CCNB1IP1: variants seen among roughly 807,000 people sequenced by gnomAD.
The protein encoded by CCNB1IP1 is E3 ubiquitin-protein ligase CCNB1IP1.
CCNB1IP1 carries 14 observed loss-of-function variants against 25.6 expected under a neutral mutation model. That is an observed-to-expected ratio of 0.55 (90% CI 0.36 to 0.85). CCNB1IP1 has a LOEUF of 0.85. CCNB1IP1 is among the 40% of genes least tolerant of loss of function. CCNB1IP1 has a pLI of 0.01. For missense variants in CCNB1IP1, 278 were observed against 342.4 expected (o/e 0.81, Z 1.48); for synonymous variants, 119 against 116.1 (o/e 1.02, Z -0.16).
At chr14:20,333,001 A>ACAGT (rs1883298051) in intron 1 of CCNB1IP1, 1 of 152,248 alleles carries the variant, frequency 6.6e-6, no homozygotes, top group Non-Finnish European at 1.5e-5. Flanking sequence ...CACATGAAGC[A>ACAGT]CAGTCTATTG....
chr14:20,316,713 C>T (rs1316713260), intron 4 of CCNB1IP1, among the ~76,000 whole-genome samples, 153 bp from the exon 5 acceptor site: 3 of 152,136 alleles, frequency 2.0e-5, no homozygotes, highest in Admixed American at 1.3e-4. Flanking sequence ...ATTTCAGTTA[C>T]TCAATAATAT....
At chr14:20,313,372 A>G (rs1882566028) in intron 6 of CCNB1IP1, 96 bp downstream of exon 6, 1 of 974,360 alleles carries the variant, frequency 1.0e-6, no homozygotes, top group Non-Finnish European at 1.5e-6. Context: ...TGCTTGTCTT[A>G]TCCTTATCGT....
intron 1 of CCNB1IP1, among the ~76,000 whole-genome samples, chr14:20,332,122 C>A (rs1367900159): frequency 6.8e-6 from 1 of 147,680 alleles, no homozygotes; most frequent in Non-Finnish European, 1.5e-5. Context: ...GCAACCTCCA[C>A]CTCCCGGGTT....
chr14:20,319,637 G>A (rs1182306330), intron 4 of CCNB1IP1, among the ~76,000 whole-genome samples: 1 of 152,142 alleles, frequency 6.6e-6, no homozygotes, highest in Non-Finnish European at 1.5e-5. Context: ...CTGCAAATAT[G>A]CTACAATTTA....
chr14:20,327,240 T>A (rs1435553993), intron 2 of CCNB1IP1, among the ~76,000 whole-genome samples: 3 of 152,080 alleles, frequency 2.0e-5, no homozygotes, highest in Non-Finnish European at 4.4e-5. Context: ...AAGAAAACAG[T>A]TATGCAAGAG....
intron 1 of CCNB1IP1, among the ~76,000 whole-genome samples, chr14:20,330,232 G>GTGGGAGCTAAATCTTGCGT (rs1197380017): frequency 2.0e-5 from 3 of 152,074 alleles, no homozygotes; most frequent in African/African-American, 7.2e-5. Flanking sequence ...TCACTTATAA[G>GTGGGAGCTAAATCTTGCGT]TGGGAGCTAA....
chr14:20,328,045 G>C (rs1460874020), intron 2 of CCNB1IP1, among the ~76,000 whole-genome samples: 4 of 152,176 alleles, frequency 2.6e-5, no homozygotes, highest in Admixed American at 6.5e-5. Flanking sequence ...GTGCCTTTAA[G>C]AATGGGTCTA....
chr14:20,316,177 C>T (rs755486506), intron 5 of CCNB1IP1, 50 bp downstream of exon 5: 2 of 1,522,342 alleles, frequency 1.3e-6, no homozygotes, highest in Non-Finnish European at 1.8e-6. Context: ...TAGAAGTTCC[C>T]ACAAATGCCA....
intron 5 of CCNB1IP1, 86 bp downstream of exon 5, chr14:20,316,138 TTAA>T (rs897431592): frequency 2.2e-5 from 25 of 1,156,760 alleles, no homozygotes; most frequent in African/African-American, 9.4e-5. Flanking sequence ...TCATAAAAAA[TTAA>T]TAATAATACA....
rs1321270039 is a variant in CCNB1IP1, at chr14:20,323,670, T to TATAATCCC, written c.-38+1861_-38+1868dup. ...GAGGCCGGGCGTGGTGGCTCACGCCTATAATCCCAGCACTTTGGGAGGCCG... is the reference window on the plus strand; with the variant it reads ...GAGGCCGGGCGTGGTGGCTCACGCCTATAATCCCATAATCCCAGCACTTTGGGAGGCCG... On this transcript the variant is annotated intron_variant, in intron 4 of 6. Coordinates refer to ENST00000358932, the MANE Select transcript of CCNB1IP1 (RefSeq NM_021178.5). 4.1e-4 allele frequency among the ~76,000 whole-genome samples: 62 copies of TATAATCCC among 152,084 alleles called. 1 individual carries two copies. Among genetic ancestry groups the TATAATCCC allele is most frequent in the African/African-American group, 1.3e-3 (56 of 41,498 alleles).
intron 5 of CCNB1IP1, chr14:20,315,490 A>G (rs886629835): frequency 8.9e-7 from 1 of 1,127,896 alleles, no homozygotes. Flanking sequence ...CTTACCCAGA[A>G]AAATATAATA....
At chr14:20,312,453 T>C (rs1486316447) in intron 6 of CCNB1IP1, among the ~76,000 whole-genome samples, 2 of 151,760 alleles carry the variant, frequency 1.3e-5, no homozygotes, top group East Asian at 3.9e-4. Flanking sequence ...TGGGCTCAAG[T>C]GATTCTCCCA....
intron 1 of CCNB1IP1, among the ~76,000 whole-genome samples, chr14:20,332,057 A>G (rs1391430240): frequency 6.7e-5 from 4 of 60,010 alleles, no homozygotes; most frequent in East Asian, 9.0e-4. Context: ...TTTTTGAGAC[A>G]GAGTTTCGCT....
Position 20,313,631 on chromosome 14 carries a change from CT to C in CCNB1IP1, c.467del (p.Lys156SerfsTer44), listed in dbSNP as rs776869250. Reference sequence around the variant, plus strand: ...TAAGTTTCTCAGAGATGTCACTGAACTTTTTCTTGTATTCTTCTAGTACTTT... The same window carrying C: ...TAAGTTTCTCAGAGATGTCACTGAACTTTTCTTGTATTCTTCTAGTACTTT... ...MKKVLEEYKK[K>X]FSDISEKLME... On this transcript the variant is annotated frameshift_variant, in exon 6 of 7. Coordinates refer to ENST00000358932, the MANE Select transcript of CCNB1IP1 (RefSeq NM_021178.5). LOFTEE classifies it high-confidence loss of function. 18 of 1,614,060 alleles carry C rather than the reference CT, an allele frequency of 1.1e-5. No individual in the cohort carries two copies. The highest frequency in any genetic ancestry group is 1.3e-5 in the Non-Finnish European group (15 of 1,180,036).
rs2138868429 is a variant in CCNB1IP1 at position 20,325,554 on chromosome 14, C to G, written c.-53G>C. The G allele has an allele frequency of 6.6e-6, 1 of 152,214 alleles. No individual in the cohort carries two copies. Among genetic ancestry groups the G allele is most frequent in the South Asian group, 2.1e-4 (1 of 4,826 alleles). The allele number at this position is 152,214 out of a possible 1,614,324, so 9.4% of individuals were successfully genotyped here. A position where few individuals can be genotyped will look rare whatever the true frequency, so the allele number is the denominator to read the frequency against. ...TAAGCCTTACCATAAAAGAAAAACG[C>G]AGTACTCATCTACAGTATATCCAGG... On this transcript the variant is annotated 5_prime_UTR_variant, in exon 4 of 7. Transcript: ENST00000358932.
At chr14:20,321,727 T>G (rs1267833647) in intron 4 of CCNB1IP1, among the ~76,000 whole-genome samples, 1 of 152,192 alleles carries the variant, frequency 6.6e-6, no homozygotes, top group East Asian at 1.9e-4. Context: ...GCTGGGATCA[T>G]CGGCGTGATC....
intron 2 of CCNB1IP1, 145 bp downstream of exon 2, chr14:20,329,029 C>A (rs917199335): frequency 1.3e-5 from 2 of 152,178 alleles, no homozygotes; most frequent in East Asian, 1.9e-4. Context: ...CAAATTGATA[C>A]TAAATCAGCA....
chr14:20,313,822 A>ATT (rs1033238281), intron 5 of CCNB1IP1, 21 bp from the exon 6 acceptor site: 1 of 1,511,826 alleles, frequency 6.6e-7, no homozygotes, highest in African/African-American at 1.4e-5. Context: ...AAGAAAAAAG[A>ATT]TTTTTAAGGT....
Position 20,315,806 on chromosome 14 carries a change from G to A in CCNB1IP1, c.297+421C>T, listed in dbSNP as rs1056841872. 2.6e-5 allele frequency: 32 copies of A among 1,252,980 alleles called. No homozygotes were observed. In the Admixed American group the frequency reaches 7.3e-4, roughly 29 times the overall value. The allele number at this position is 1,252,980 out of a possible 1,614,324, so 77.6% of individuals were successfully genotyped here. A position where few individuals can be genotyped will look rare whatever the true frequency, so the allele number is the denominator to read the frequency against. ...CAAGTGAAGCACAGGCTACTCAGGA[G>A]GCTGAGGCGGGAGAATGGCTTGAAC... is the stretch of plus-strand genomic sequence containing the variant. On this transcript the variant is annotated intron_variant, in intron 5 of 6. Transcript: ENST00000358932.
Sources: allele counts gnomAD v4.1 joint callset (sites outside exome capture counted in the v4.1 genomes callset), GRCh38; gene constraint gnomAD v4.1.1; transcripts MANE v1.5; gene names NCBI Gene and HGNC (gene_info 2026-07-23, HGNC 2026-07-21).